RPSA2: variants seen among roughly 807,000 people sequenced by gnomAD.
RPSA2 encodes the protein small ribosomal subunit protein uS2B.
the RPSA2 span, among the ~76,000 whole-genome samples, chr19:23,815,471 T>C: frequency 4.6e-5 from 7 of 152,212 alleles, no homozygotes; most frequent in Non-Finnish European, 7.3e-5. Flanking sequence ...CACCTCATAC[T>C]TGCTCTGTCT....
chr19:23,845,615 C>T, the RPSA2 span, among the ~76,000 whole-genome samples: 1 of 152,208 alleles, frequency 6.6e-6, no homozygotes, highest in Non-Finnish European at 1.5e-5. Flanking sequence ...TCTCAGCCTC[C>T]TGAGTAGCTA....
At chr19:23,826,039 A>AAAAC in the RPSA2 span, among the ~76,000 whole-genome samples, 1 of 150,350 alleles carries the variant, frequency 6.7e-6, no homozygotes, top group Non-Finnish European at 1.5e-5. Context: ...GTCAAAAAAA[A>AAAAC]ACAAAATTTA....
the RPSA2 span, among the ~76,000 whole-genome samples, chr19:23,847,586 A>G: frequency 6.6e-6 from 1 of 152,012 alleles, no homozygotes; most frequent in Non-Finnish European, 1.5e-5. Context: ...AATATCAGAA[A>G]CTCCTGATAA....
chr19:23,840,104 T>C, the RPSA2 span, among the ~76,000 whole-genome samples: 1 of 152,092 alleles, frequency 6.6e-6, no homozygotes, highest in African/African-American at 2.4e-5. Flanking sequence ...AGAGAAAAAA[T>C]GGTTGATTCT....
At chr19:23,826,768 C>T in the RPSA2 span, among the ~76,000 whole-genome samples, 4 of 152,026 alleles carry the variant, frequency 2.6e-5, no homozygotes, top group African/African-American at 4.8e-5. Context: ...TCACTGCAAC[C>T]TCTGCCTCCT....
At chr19:23,824,965 T>TGTTTTG in the RPSA2 span, among the ~76,000 whole-genome samples, 1 of 152,024 alleles carries the variant, frequency 6.6e-6, no homozygotes, top group Non-Finnish European at 1.5e-5. Flanking sequence ...TTGTTTGTTT[T>TGTTTTG]GTTTTGTTTT....
chr19:23,761,921 T>TCTCTCTCTCTCTCTCTCTCTC, the RPSA2 span, among the ~76,000 whole-genome samples: 38 of 76,198 alleles, frequency 5.0e-4, 2 homozygotes, highest in Middle Eastern at 5.7e-3. Context: ...TCTTTCTTTC[T>TCTCTCTCTCTCTCTCTCTCTC]TTTTTTTTTT....
At chr19:23,852,829 A>G in the RPSA2 span, among the ~76,000 whole-genome samples, 2 of 152,232 alleles carry the variant, frequency 1.3e-5, no homozygotes, top group African/African-American at 4.8e-5. Flanking sequence ...TTTTCAAAGA[A>G]TCTCTCCTAA....
At chr19:23,789,995 A>G in the RPSA2 span, among the ~76,000 whole-genome samples, 1 of 151,166 alleles carries the variant, frequency 6.6e-6, no homozygotes, top group South Asian at 2.1e-4. Flanking sequence ...TCTTTTTTGT[A>G]TGTATATATT....
At chr19:23,836,778 AT>A in the RPSA2 span, among the ~76,000 whole-genome samples, 20 of 151,624 alleles carry the variant, frequency 1.3e-4, no homozygotes, top group African/African-American at 4.8e-4. Context: ...GATGTTGAGC[AT>A]TTTTTTTAAT....
the RPSA2 span, among the ~76,000 whole-genome samples, chr19:23,859,600 C>G: frequency 6.9e-6 from 1 of 145,756 alleles, no homozygotes; most frequent in Non-Finnish European, 1.5e-5. Flanking sequence ...GCACTCCAGC[C>G]TGGGCAACAA....
chr19:23,768,054 C>G, the RPSA2 span, among the ~76,000 whole-genome samples: 54 of 152,122 alleles, frequency 3.5e-4, no homozygotes, highest in Non-Finnish European at 5.1e-4. Context: ...CGTGAGCCAC[C>G]ACGCCCGGCC....
the RPSA2 span, among the ~76,000 whole-genome samples, chr19:23,868,083 G>A: frequency 2.6e-5 from 4 of 152,190 alleles, no homozygotes; most frequent in African/African-American, 9.7e-5. Context: ...TCCAGAAGAT[G>A]GCGACTGCTG....
the RPSA2 span, among the ~76,000 whole-genome samples, chr19:23,812,286 T>C: frequency 6.6e-6 from 1 of 152,068 alleles, no homozygotes; most frequent in Non-Finnish European, 1.5e-5. Flanking sequence ...GCCATATGTC[T>C]ATCACAATCA....
chr19:23,832,844 C>T, the RPSA2 span: 3 of 1,578,788 alleles, frequency 1.9e-6, no homozygotes, highest in Admixed American at 1.7e-5. Flanking sequence ...CAGTCCTCAA[C>T]CCTTACTACA....
the RPSA2 span, among the ~76,000 whole-genome samples, chr19:23,807,543 C>A: frequency 3.3e-5 from 5 of 152,128 alleles, no homozygotes; most frequent in South Asian, 2.1e-4. Flanking sequence ...ATATAGTACT[C>A]AAAAATGTGC....
At chr19:23,869,416 T>C in the RPSA2 span, among the ~76,000 whole-genome samples, 1 of 109,464 alleles carries the variant, frequency 9.1e-6, no homozygotes, top group Non-Finnish European at 2.0e-5. Context: ...CCGGCCCAAT[T>C]GCCCCAACTG....
chr19:23,802,285 G>T, the RPSA2 span, among the ~76,000 whole-genome samples: 1 of 152,188 alleles, frequency 6.6e-6, no homozygotes, highest in African/African-American at 2.4e-5. Flanking sequence ...AGAGCCCTGA[G>T]CACAACTATA....
chr19:23,774,535 CAT>C, the RPSA2 span, among the ~76,000 whole-genome samples: 1 of 152,250 alleles, frequency 6.6e-6, no homozygotes, highest in African/African-American at 2.4e-5. Context: ...GCCATTGTGA[CAT>C]ATTACTGGGC....
Sources: gnomAD v4.1 joint callset for allele counts (sites outside exome capture counted in the v4.1 genomes callset) on GRCh38, gnomAD v4.1.1 for gene constraint, MANE v1.5 for transcripts, NCBI Gene and HGNC (gene_info 2026-07-23, HGNC 2026-07-21) for gene names.